The following XXYLT1 variants were observed in gnomAD, a reference collection of about 807,000 sequenced individuals.
XXYLT1 encodes the protein UDP-xylose:alpha-xyloside alpha-1,3-xylosyltransferase.
Under a neutral mutation model 28.9 loss-of-function variants are expected in XXYLT1, and 20 were observed. The observed-to-expected ratio is 0.69, with a 90% confidence interval of 0.49 to 1.00. The LOEUF (loss-of-function observed/expected upper bound fraction) is 1.00, where lower values mean the gene tolerates loss of function less well. Among genes scored for constraint, XXYLT1 ranks in the 50% least tolerant of loss-of-function variants. The pLI, the probability that XXYLT1 is intolerant of heterozygous loss-of-function variation, is 0.00. For synonymous variants in XXYLT1, 257 were observed against 253.8 expected (o/e 1.01, Z -0.12); for missense variants, 542 against 560.1 (o/e 0.97, Z 0.33).
intron 3 of XXYLT1, among the ~76,000 whole-genome samples, chr3:195,113,123 C>T (rs1717867811): frequency 6.6e-6 from 1 of 152,210 alleles, no homozygotes; most frequent in African/African-American, 2.4e-5. Context: ...ATGAGGAGCC[C>T]TCGCACAGAG....
chr3:195,175,674 G>A, intron 2 of XXYLT1: 1 of 1,536,132 alleles, frequency 6.5e-7, no homozygotes, highest in Non-Finnish European at 8.7e-7. Context: ...GTGGCCACAT[G>A]ACTAGCTCCT....
intron 2 of XXYLT1, among the ~76,000 whole-genome samples, chr3:195,160,287 G>A (rs892977758): frequency 4.6e-5 from 7 of 152,210 alleles, no homozygotes; most frequent in Non-Finnish European, 1.0e-4. Context: ...CAGGCCTTCA[G>A]GGAGGGGCAG....
At position 195,175,933 on chromosome 3, in the gene XXYLT1, G is replaced by T. The variant is rs184202236; in HGVS notation, c.653-19352C>A. 2.3e-5 allele frequency: 32 copies of T among 1,387,494 alleles called. No individual in the cohort carries two copies. In the African/African-American group the frequency reaches 4.4e-4, roughly 19 times the overall value. 85.9% of individuals were successfully genotyped at this position (1,387,494 alleles called of 1,614,324 possible). On this transcript the variant is annotated intron_variant, in intron 2 of 3. Coordinates refer to ENST00000310380, the MANE Select transcript of XXYLT1 (RefSeq NM_152531.5). Reference sequence around the variant, plus strand: ...TATGTATGAAGTCACAGAAATTTCAGTCATGTTTGTTATTACAGCCCAGCT... The same window carrying T: ...TATGTATGAAGTCACAGAAATTTCATTCATGTTTGTTATTACAGCCCAGCT...
intron 1 of XXYLT1, among the ~76,000 whole-genome samples, chr3:195,262,658 C>A (rs1725731500): frequency 1.3e-5 from 2 of 152,198 alleles, no homozygotes; most frequent in African/African-American, 4.8e-5. Flanking sequence ...CAGTGTATTT[C>A]ATCTATATCA....
intron 2 of XXYLT1, among the ~76,000 whole-genome samples, chr3:195,211,272 T>TA (rs2108778989): frequency 6.6e-6 from 1 of 152,272 alleles, no homozygotes; most frequent in African/African-American, 2.4e-5. Flanking sequence ...CTCACGCCTG[T>TA]AATCCCAGCT....
intron 2 of XXYLT1, among the ~76,000 whole-genome samples, chr3:195,181,276 T>TGCGG (rs1560138843): frequency 7.0e-6 from 1 of 143,242 alleles, no homozygotes; most frequent in African/African-American, 3.0e-5. Flanking sequence ...CGTGGCTGCG[T>TGCGG]GGCTGCGTGG....
chr3:195,163,989 A>G (rs1720994236), intron 2 of XXYLT1, among the ~76,000 whole-genome samples: 1 of 152,274 alleles, frequency 6.6e-6, no homozygotes, highest in African/African-American at 2.4e-5. Flanking sequence ...CTCATAGCTC[A>G]CTAGACAAAA....
intron 3 of XXYLT1, among the ~76,000 whole-genome samples, chr3:195,111,474 G>A (rs1170375241): frequency 6.6e-6 from 1 of 152,152 alleles, no homozygotes; most frequent in African/African-American, 2.4e-5. Flanking sequence ...GGCGGAGAGG[G>A]TCTGGCTGGG....
rs551151214 is a variant in XXYLT1, at chr3:195,121,323, G to C, written c.785+35126C>G. Among the ~76,000 whole-genome samples, 13 of 152,340 alleles carry C rather than the reference G, an allele frequency of 8.5e-5. No individual in the cohort carries two copies. In the South Asian group the frequency reaches 2.7e-3, roughly 32 times the overall value. The stretch of plus-strand genomic sequence containing the variant: ...GATTCAAAGGACAAGATGGTGATGA[G>C]AGACGGGGTTCCCTCTTGTACAGAA... On this transcript the variant is annotated intron_variant, in intron 3 of 3. Transcript: ENST00000310380.
At chr3:195,094,024 GCTC>G (rs930238013) in intron 3 of XXYLT1, 95 of 155,276 alleles carry the variant, frequency 6.1e-4, no homozygotes, top group South Asian at 2.0e-3. Context: ...GACAGTGGCA[GCTC>G]CTCCTCCTCC....
intron 2 of XXYLT1, among the ~76,000 whole-genome samples, chr3:195,214,522 C>T (rs1723473541): frequency 6.6e-6 from 1 of 152,252 alleles, no homozygotes; most frequent in African/African-American, 2.4e-5. Flanking sequence ...CAGCATGCAC[C>T]GTCAGCCCCT....
rs1313540628 is a variant in XXYLT1 at position 195,143,881 on chromosome 3, T to G, written c.785+12568A>C. Among the ~76,000 whole-genome samples the G allele has an allele frequency of 4.3e-4, 55 of 128,846 alleles. 7 individuals carry two copies. The highest frequency in any genetic ancestry group is 1.4e-3 in the African/African-American group (46 of 33,864). The allele number at this position is 128,846 out of a possible 152,430, so 84.5% of individuals were successfully genotyped here. On this transcript the variant is annotated intron_variant, in intron 3 of 3. Coordinates refer to ENST00000310380, the MANE Select transcript of XXYLT1 (RefSeq NM_152531.5). ...ATATATATAGATATAGATATATATA[T>G]ATATATATTTATTTTTTATTTTTAT...
intron 3 of XXYLT1, among the ~76,000 whole-genome samples, chr3:195,071,755 T>TTATAAAGCAGC (rs1714828079): frequency 6.6e-6 from 1 of 152,034 alleles, no homozygotes; most frequent in Non-Finnish European, 1.5e-5. Flanking sequence ...CAGGACCAGG[T>TTATAAAGCAGC]TATAAAGCAG....
intron 3 of XXYLT1, among the ~76,000 whole-genome samples, chr3:195,107,451 G>A (rs1452400756): frequency 4.4e-5 from 5 of 112,894 alleles, no homozygotes; most frequent in Admixed American, 1.0e-4. Flanking sequence ...TTCAGCCTGG[G>A]CAACAAGAGC....
chr3:195,079,384 G>A (rs1424021836), intron 3 of XXYLT1, among the ~76,000 whole-genome samples: 1 of 152,158 alleles, frequency 6.6e-6, no homozygotes, highest in Admixed American at 6.5e-5. Context: ...AAGGGAAAGG[G>A]ATGCATACAT....
intron 3 of XXYLT1, among the ~76,000 whole-genome samples, chr3:195,107,831 C>G (rs903301): frequency 0.69 from 105,056 of 151,166 alleles, 36,839 homozygotes; most frequent in Middle Eastern, 0.72. Context: ...ACACCACCTC[C>G]TTTCTTAAAT....
rs1047975569 is a variant in XXYLT1, at chr3:195,251,251, C to G, written c.504+19304G>C. Among the ~76,000 whole-genome samples, 8 of 152,388 alleles carry G rather than the reference C, an allele frequency of 5.2e-5. No individual in the cohort carries two copies. The Middle Eastern group carries it at 0.014, about 259-fold the overall frequency. ...CCATGGTTAGGAAAAGCAGAGACCA[C>G]TTGCTAACTGCAAAAATCAAGTGGA... On this transcript the variant is annotated intron_variant, in intron 1 of 3. Coordinates refer to ENST00000310380, the MANE Select transcript of XXYLT1 (RefSeq NM_152531.5).
At chr3:195,110,353 G>GGTGTGTGA (rs1717536519) in intron 3 of XXYLT1, among the ~76,000 whole-genome samples, 4 of 125,218 alleles carry the variant, frequency 3.2e-5, no homozygotes, top group African/African-American at 1.5e-4. Context: ...GTGGTGTGTG[G>GGTGTGTGA]TGTATGTGCG....
intron 3 of XXYLT1, among the ~76,000 whole-genome samples, chr3:195,138,030 C>A (rs1478276413): frequency 1.3e-5 from 2 of 152,142 alleles, no homozygotes; most frequent in Non-Finnish European, 2.9e-5. Context: ...GAAACAGAGG[C>A]TTTAAGAGGT....
Sources: gnomAD v4.1 joint callset for allele counts (sites outside exome capture counted in the v4.1 genomes callset) on GRCh38, gnomAD v4.1.1 for gene constraint, MANE v1.5 for transcripts, NCBI Gene and HGNC (gene_info 2026-07-23, HGNC 2026-07-21) for gene names.